The following MINDY1 variants were observed in gnomAD, a reference collection of about 807,000 sequenced individuals.
MINDY1 encodes the protein ubiquitin carboxyl-terminal hydrolase MINDY-1.
Under a neutral mutation model 53.6 loss-of-function variants are expected in MINDY1, and 50 were observed. That is an observed-to-expected ratio of 0.93 (90% CI 0.74 to 1.18). The LOEUF (loss-of-function observed/expected upper bound fraction) is 1.18, where lower values mean the gene tolerates loss of function less well. Among genes scored for constraint, MINDY1 ranks in the 50% most tolerant of loss-of-function variants. The pLI is 0.00. For missense variants in MINDY1, 484 were observed against 578.6 expected, an observed-to-expected ratio of 0.84 and a Z score of 1.68; for synonymous variants, 231 against 234.7, an observed-to-expected ratio of 0.98 and a Z score of 0.14.
In MINDY1 at chr1:151,002,555, G is replaced by A; in HGVS notation, c.63C>T (p.Ile21=). 6.2e-7 allele frequency: 1 copy of A among 1,614,192 alleles called. No homozygotes were observed. The highest frequency in any genetic ancestry group is 8.5e-7 in the Non-Finnish European group (1 of 1,180,042). ...CTGCCAGAACCTCATGGTTTTCAGG[G>A]ATGACTGCTTCTGCAGTCCCGGCCT... ...PGKAGTAEAV[I]PENHEVLAGP... The change falls in exon 2 of 10, where the codon ATC becomes ATT. Residue 21 remains isoleucine, a synonymous_variant. Coordinates refer to ENST00000683666, the MANE Select transcript of MINDY1 (RefSeq NM_001376665.1). The surrounding 1 kb of genome is among the most constrained non-coding windows in gnomAD (Gnocchi z 4.1).
chr1:150,999,350 A>C lies in MINDY1; in HGVS notation c.981+19T>G, dbSNP rs1672259242. 1 of 1,613,318 alleles carries C rather than the reference A, an allele frequency of 6.2e-7. No homozygotes were observed. The highest frequency in any genetic ancestry group is 2.2e-5 in the East Asian group (1 of 44,868). Reference sequence around the variant, plus strand: ...GGAAATGACAGCACCGCAGCACGCCACCCCCAAACTCGCATTACCTTATGC... The same window carrying C: ...GGAAATGACAGCACCGCAGCACGCCCCCCCCAAACTCGCATTACCTTATGC... On this transcript the variant is annotated intron_variant, in intron 7 of 9. Coordinates refer to ENST00000683666, the MANE Select transcript of MINDY1 (RefSeq NM_001376665.1). This position sits in a 1 kb window ranked among gnomAD's most constrained non-coding sequence, Gnocchi z 4.4.
intron 1 of MINDY1, chr1:151,006,050 T>C: frequency 6.5e-7 from 1 of 1,548,526 alleles, no homozygotes; most frequent in Non-Finnish European, 8.7e-7. Flanking sequence ...GTTTAGATTT[T>C]CATCTCAGAA....
At chr1:150,997,817 A>AGAGCCGTGGCTATTCAG in intron 8 of MINDY1, 38 bp from the exon 9 acceptor site, 2 of 1,579,902 alleles carry the variant, frequency 1.3e-6, no homozygotes, top group Non-Finnish European at 1.7e-6. Context: ...GCTGAGGCCC[A>AGAGCCGTGGCTATTCAG]GAGCCGTGGC....
chr1:150,998,293 G>A lies in MINDY1; in HGVS notation c.982-20C>T. On this transcript the variant is annotated intron_variant, in intron 7 of 9. Transcript: ENST00000683666. ...GTGACTCTACAAAGAAAAGAACAGA[G>A]CTCATTGGGGGGACAGTTGATACGG... 6.3e-7 allele frequency: 1 copy of A among 1,595,002 alleles called. No individual in the cohort carries two copies. The highest frequency in any genetic ancestry group is 1.1e-5 in the South Asian group (1 of 89,370).
intron 5 of MINDY1, 122 bp downstream of exon 5, chr1:151,000,335 A>G (rs1672401226): frequency 9.6e-7 from 1 of 1,043,790 alleles, no homozygotes; most frequent in Non-Finnish European, 1.4e-6. Flanking sequence ...TCCAGTCTCT[A>G]AACACTATTT....
At position 150,997,317 on chromosome 1, in the gene MINDY1, C is replaced by T. The variant is rs765896143; in HGVS notation, c.1380G>A (p.Pro460=). The T allele has an allele frequency of 1.6e-5, 25 of 1,599,348 alleles. No homozygotes were observed. Among genetic ancestry groups the T allele is most frequent in the Middle Eastern group, 1.6e-4 (1 of 6,066 alleles). The stretch of plus-strand genomic sequence containing the variant: ...GCAGAATGCAGTCTGACTCGTGCTT[C>T]GGCCTCTGCCGACGCTCCCCGGCTG... ...GRPAGERRQR[P]KHESDCILL The change falls in exon 10 of 10, where the codon CCG becomes CCA. Residue 460 remains proline, a synonymous_variant. Coordinates refer to ENST00000683666, the MANE Select transcript of MINDY1 (RefSeq NM_001376665.1).
intron 5 of MINDY1, 118 bp from the exon 6 acceptor site, chr1:151,000,082 A>AC: frequency 1.4e-6 from 1 of 690,874 alleles, no homozygotes; most frequent in Middle Eastern, 3.8e-4. Context: ...GTTCCTAAAC[A>AC]CTTTTTTTTT....
intron 9 of MINDY1, 93 bp downstream of exon 9, chr1:150,997,531 C>T (rs1671967563): frequency 6.3e-7 from 1 of 1,593,322 alleles, no homozygotes; most frequent in Non-Finnish European, 8.5e-7. Context: ...GAGAAGAAAC[C>T]TTGAAGAGAC....
intron 1 of MINDY1, among the ~76,000 whole-genome samples, chr1:151,005,610 G>A (rs1299620348): frequency 6.6e-6 from 1 of 152,170 alleles, no homozygotes; most frequent in Non-Finnish European, 1.5e-5. Context: ...GGACACCTGA[G>A]GGAGTGGGGT....
intron 5 of MINDY1, 140 bp downstream of exon 5, chr1:151,000,317 G>C (rs1476021051): frequency 3.7e-5 from 31 of 843,920 alleles, no homozygotes; most frequent in African/African-American, 1.2e-4. Flanking sequence ...AAGGAATTCT[G>C]TACTGGGTCC....
upstream of MINDY1, among the ~76,000 whole-genome samples, chr1:151,007,901 T>A (rs1431194619): frequency 6.6e-6 from 1 of 152,050 alleles, no homozygotes; most frequent in Non-Finnish European, 1.5e-5. Flanking sequence ...AAAGCCAAGG[T>A]TACAACCGTC....
rs1672319651 is a variant in MINDY1, at chr1:150,999,740, A to C, written c.838+122T>G. On this transcript the variant is annotated intron_variant, in intron 6 of 9. Coordinates refer to ENST00000683666, the MANE Select transcript of MINDY1 (RefSeq NM_001376665.1). The surrounding 1 kb of genome is among the most constrained non-coding windows in gnomAD (Gnocchi z 4.4). ...CAATGAACTAAACAGAAATTCCCCA[A>C]GCTCCTTCTTGTGAAGCTTATATCT... 1.9e-6 allele frequency: 2 copies of C among 1,037,298 alleles called. No homozygotes were observed. The highest frequency in any genetic ancestry group is 1.6e-5 in the South Asian group (1 of 63,914). The allele number at this position is 1,037,298 out of a possible 1,614,324, so 64.3% of individuals were successfully genotyped here.
rs1228443785 is a variant in MINDY1 at position 150,998,262 on chromosome 1, G to T, written c.993C>A (p.Tyr331Ter). 2 of 1,612,258 alleles carry T rather than the reference G, an allele frequency of 1.2e-6. No individual in the cohort carries two copies. Among genetic ancestry groups the T allele is most frequent in the African/African-American group, 1.3e-5 (1 of 74,950 alleles). Residue 331 changes from tyrosine (Y) to a stop codon, truncating the protein, a stop_gained, in exon 8 of 10, where the codon TAC (tyrosine) becomes TAA (stop). Transcript: ENST00000683666. LOFTEE classifies it high-confidence loss of function. ...STMTKHKSHL[Y>*]LLVTDQGFLQ... ...GAAAGCCCTGGTCAGTGACCAGTAG[G>T]TATAAGTGACTCTACAAAGAAAAGA...
At chr1:150,997,602 G>A (rs776152857) in intron 9 of MINDY1, 22 bp downstream of exon 9, 6 of 1,604,536 alleles carry the variant, frequency 3.7e-6, no homozygotes, top group Non-Finnish European at 5.1e-6. Context: ...CCGGGAGTGT[G>A]GGCGCCCAGG....
rs1672087516 is a variant in MINDY1 at position 150,998,282 on chromosome 1, A to G, written c.982-9T>C. 1.2e-6 allele frequency: 2 copies of G among 1,607,576 alleles called. No individual in the cohort carries two copies. Among genetic ancestry groups the G allele is most frequent in the East Asian group, 4.5e-5 (2 of 44,790 alleles). On this transcript the variant is annotated splice_polypyrimidine_tract_variant and intron_variant, in intron 7 of 9. Transcript: ENST00000683666. ...AGTAGGTATAAGTGACTCTACAAAG[A>G]AAAGAACAGAGCTCATTGGGGGGAC...
At chr1:151,006,149 G>A (rs1172827411) in intron 1 of MINDY1, 163 bp downstream of exon 1, 1 of 1,551,640 alleles carries the variant, frequency 6.4e-7, no homozygotes, top group South Asian at 1.2e-5. Flanking sequence ...GGAGGACCAA[G>A]CAGCATCCCC....
At position 151,006,662 on chromosome 1, in the gene MINDY1, TTTTTC is replaced by T. The variant is rs1673256439; in HGVS notation, c.-445_-441del. ...GCTGGTTTTCAAAGGAAGTTTGTGGTTTTTCTTTTCTTCTCTCTCTCTTTTTTGTT... is the reference window on the plus strand; with the variant it reads ...GCTGGTTTTCAAAGGAAGTTTGTGGTTTTTCTTCTCTCTCTCTTTTTTGTT... On this transcript the variant is annotated 5_prime_UTR_variant, in exon 1 of 10. An upstream open reading frame in the 5' UTR gains an earlier in-frame stop. Coordinates refer to ENST00000683666, the MANE Select transcript of MINDY1 (RefSeq NM_001376665.1). The T allele has an allele frequency of 1.0e-6, 1 of 985,952 alleles. No homozygotes were observed. The highest frequency in any genetic ancestry group is 1.7e-5 in the African/African-American group (1 of 57,186). The allele number at this position is 985,952 out of a possible 1,614,324, so 61.1% of individuals were successfully genotyped here.
intron 3 of MINDY1, 96 bp downstream of exon 3, chr1:151,001,629 C>A: frequency 6.9e-7 from 1 of 1,447,968 alleles, no homozygotes; most frequent in Non-Finnish European, 9.5e-7. Flanking sequence ...TGTATCAGAA[C>A]CCCCAAATGG....
intron 7 of MINDY1, among the ~76,000 whole-genome samples, chr1:150,998,671 C>A (rs1472613115): frequency 6.6e-6 from 1 of 152,180 alleles, no homozygotes; most frequent in Non-Finnish European, 1.5e-5. Flanking sequence ...GCATGCGGAC[C>A]TTTTACAAAT....
Sources: allele counts gnomAD v4.1 joint callset (sites outside exome capture counted in the v4.1 genomes callset), GRCh38; gene constraint gnomAD v4.1.1; non-coding constraint Gnocchi (gnomAD v3.1); transcripts MANE v1.5; gene names NCBI Gene and HGNC (gene_info 2026-07-23, HGNC 2026-07-21).